Variants in DNAJC13 observed in about 807,000 individuals in gnomAD.
DNAJC13 encodes the protein DnaJ heat shock protein family (Hsp40) member C13, also known as dnaJ homolog subfamily C member 13.
In DNAJC13, 75 loss-of-function variants were observed where a neutral mutation model predicts 290.5. That is an observed-to-expected ratio of 0.26 (90% CI 0.21 to 0.31). DNAJC13 has a LOEUF of 0.31. Ranked by LOEUF, DNAJC13 falls within the 10% of genes least tolerant of loss-of-function variation. The pLI is 1.00. For missense variants in DNAJC13, 2,260 were observed against 2,674.5 expected (o/e 0.85, Z 3.42); for synonymous variants, 862 against 892.0 (o/e 0.97, Z 0.60).
rs566976602 is a variant in DNAJC13, at chr3:132,461,696, T to G, written c.1713+491T>G. Among the ~76,000 whole-genome samples the G allele has an allele frequency of 4.6e-5, 7 of 152,228 alleles. No individual in the cohort carries two copies. In the South Asian group the frequency reaches 1.5e-3, roughly 32 times the overall value. The stretch of plus-strand genomic sequence containing the variant: ...TCTTGCTTTTTTATTTTATTTTATT[T>G]TATTTATTTTTTGAGGTGAAGGTCT... On this transcript the variant is annotated intron_variant, in intron 15 of 55. Transcript: ENST00000260818.
Position 132,478,309 on chromosome 3 carries a change from TGA to T in DNAJC13, c.2709+170_2709+171del, listed in dbSNP as rs1365693406. On this transcript the variant is annotated intron_variant, in intron 24 of 55. Transcript: ENST00000260818. ...AATCTGAGTTAGATGAATAGGAAAA[TGA>T]ATAATGGGTTAGAATTTGTCCATGT... 3.3e-4 allele frequency among the ~76,000 whole-genome samples: 51 copies of T among 152,322 alleles called. 1 individual carries two copies. The South Asian group carries it at 4.1e-3, about 12-fold the overall frequency.
intron 52 of DNAJC13, 54 bp downstream of exon 52, chr3:132,525,843 CT>C: frequency 6.4e-7 from 1 of 1,556,870 alleles, no homozygotes; most frequent in Non-Finnish European, 8.7e-7. Context: ...TCTATGCTCC[CT>C]TCTTGACGGA....
chr3:132,507,120 C>A (rs917521672), intron 42 of DNAJC13, 117 bp from the exon 43 acceptor site: 1 of 639,330 alleles, frequency 1.6e-6, no homozygotes, highest in Non-Finnish European at 2.7e-6. Context: ...ACATGTATCA[C>A]ACCACATTTT....
At chr3:132,525,314 T>G (rs1936221530) in intron 51 of DNAJC13, among the ~76,000 whole-genome samples, 1 of 152,210 alleles carries the variant, frequency 6.6e-6, no homozygotes, top group Non-Finnish European at 1.5e-5. Context: ...CACTCCAGCC[T>G]GGGCAACAAG....
rs568228562 is a variant in DNAJC13, at chr3:132,442,096, T to TA, written c.69-4370dup. Among the ~76,000 whole-genome samples, 537 of 146,668 alleles carry TA rather than the reference T, an allele frequency of 3.7e-3. 5 individuals are homozygous for TA. Among genetic ancestry groups the TA allele is most frequent in the African/African-American group, 0.012 (496 of 39,802 alleles). On this transcript the variant is annotated intron_variant, in intron 2 of 55. Transcript: ENST00000260818. ...AAATCATGCTATAAAATACCATATGTAAAAAAAAATCATGCTATAAAATGC... is the reference window on the plus strand; with the variant it reads ...AAATCATGCTATAAAATACCATATGTAAAAAAAAAATCATGCTATAAAATGC...
chr3:132,461,109 C>G lies in DNAJC13; in HGVS notation c.1617C>G (p.Leu539=). The change falls in exon 15 of 56, where the codon CTC becomes CTG. Residue 539 remains leucine, a synonymous_variant. Transcript: ENST00000260818. Reference sequence around the variant, plus strand: ...TCTTGGACTTCCTTACCTTTGCCCTCTGTGCTCCATATAGTGAGACAACTG... The same window carrying G: ...TCTTGGACTTCCTTACCTTTGCCCTGTGTGCTCCATATAGTGAGACAACTG... ...SSLLDFLTFA[L]CAPYSETTEG... is the part of the protein sequence containing the mutation. The G allele has an allele frequency of 6.2e-7, 1 of 1,614,040 alleles. No homozygotes were observed. Among genetic ancestry groups the G allele is most frequent in the African/African-American group, 1.3e-5 (1 of 75,030 alleles).
intron 41 of DNAJC13, among the ~76,000 whole-genome samples, chr3:132,504,150 G>T (rs1935513057): frequency 6.6e-6 from 1 of 152,052 alleles, no homozygotes; most frequent in Non-Finnish European, 1.5e-5. Context: ...AGGATGAACT[G>T]TGACTTTTGT....
intron 2 of DNAJC13, among the ~76,000 whole-genome samples, chr3:132,436,417 A>G (rs2107651636): frequency 6.6e-6 from 1 of 152,366 alleles, no homozygotes; most frequent in Admixed American, 6.5e-5. Flanking sequence ...AATCTGTTGT[A>G]TGGATATACT....
chr3:132,516,987 G>T (rs1055592774), intron 48 of DNAJC13, among the ~76,000 whole-genome samples, 171 bp downstream of exon 48: 1 of 152,216 alleles, frequency 6.6e-6, no homozygotes, highest in African/African-American at 2.4e-5. Flanking sequence ...TACTGTTTGA[G>T]AAAACTAGAG....
Position 132,417,686 on chromosome 3 carries a change from C to T in DNAJC13, c.-88C>T. 1 of 152,488 alleles carries T rather than the reference C, an allele frequency of 6.6e-6. No individual in the cohort carries two copies. The highest frequency in any genetic ancestry group is 1.5e-5 in the Non-Finnish European group (1 of 68,122). 9.4% of individuals were successfully genotyped at this position (152,488 alleles called of 1,614,324 possible). ...TGGTGAGGGTGAGGAGGCCGGAGGG[C>T]GCCTCATCCCACTCTGGAAGCTGAG... On this transcript the variant is annotated 5_prime_UTR_variant, in exon 1 of 56. Coordinates refer to ENST00000260818, the MANE Select transcript of DNAJC13 (RefSeq NM_015268.4).
At position 132,480,451 on chromosome 3, in the gene DNAJC13, G is replaced by A. The variant is rs202174230; in HGVS notation, c.2855G>A (p.Arg952Gln). 1.3e-4 allele frequency: 211 copies of A among 1,612,402 alleles called. No individual in the cohort carries two copies. Among genetic ancestry groups the A allele is most frequent in the Non-Finnish European group, 8.1e-5 (96 of 1,178,810 alleles). ...LLTLAHLHVS[R>Q]ATVPLQSNVI... Reference sequence around the variant, plus strand: ...ACCCTTGCACATCTCCATGTAAGCCGAGCTACAGTACCACTGCAAGTACGT... The same window carrying A: ...ACCCTTGCACATCTCCATGTAAGCCAAGCTACAGTACCACTGCAAGTACGT... The change falls in exon 26 of 56, where the codon CGA becomes CAA. Residue 952 changes from arginine to glutamine, a missense_variant. By Grantham distance (43) the Arg-to-Gln change is conservative. This residue lies in a region of DNAJC13 where 1,494 missense variants were observed against 1,693.7 expected (regional missense o/e 0.88). Transcript: ENST00000260818.
intron 20 of DNAJC13, among the ~76,000 whole-genome samples, chr3:132,468,706 A>G (rs1934084580): frequency 6.6e-6 from 1 of 152,190 alleles, no homozygotes; most frequent in African/African-American, 2.4e-5. Flanking sequence ...AAGCAAAATA[A>G]TAGTAAAGGC....
chr3:132,421,732 G>A (rs1234394729), intron 1 of DNAJC13, among the ~76,000 whole-genome samples: 2 of 151,798 alleles, frequency 1.3e-5, no homozygotes, highest in Non-Finnish European at 2.9e-5. Flanking sequence ...GAGCCACCAT[G>A]CCTGGCCCAT....
intron 54 of DNAJC13, 54 bp from the exon 55 acceptor site, chr3:132,530,944 T>C (rs1576525764): frequency 2.6e-6 from 4 of 1,519,618 alleles, no homozygotes; most frequent in Non-Finnish European, 3.6e-6. Context: ...TCTTTTTGTC[T>C]TCCAACATCC....
intron 20 of DNAJC13, among the ~76,000 whole-genome samples, chr3:132,470,862 C>G (rs1934205555): frequency 7.3e-6 from 1 of 136,846 alleles, no homozygotes; most frequent in Non-Finnish European, 1.6e-5. Flanking sequence ...CACCTCCCTC[C>G]CGGACAGGGC....
In DNAJC13 at chr3:132,456,586, C is replaced by A; in HGVS notation, c.1179+6C>A. On this transcript the variant is annotated splice_donor_region_variant and intron_variant, in intron 11 of 55. Transcript: ENST00000260818. ...TACATGCAGTAACACAAGATGTAAG[C>A]TAAGTTTTATCATAATTGTTCATTG... is the stretch of plus-strand genomic sequence containing the variant. 1 of 1,613,592 alleles carries A rather than the reference C, an allele frequency of 6.2e-7. No individual in the cohort carries two copies.
intron 27 of DNAJC13, among the ~76,000 whole-genome samples, chr3:132,482,723 G>A (rs1381532529): frequency 6.6e-6 from 1 of 151,930 alleles, no homozygotes; most frequent in Non-Finnish European, 1.5e-5. Context: ...GCTAAGCATG[G>A]TGGTGCATGC....
intron 1 of DNAJC13, among the ~76,000 whole-genome samples, chr3:132,433,315 T>C (rs1455018507): frequency 6.6e-6 from 1 of 152,216 alleles, no homozygotes; most frequent in Non-Finnish European, 1.5e-5. Context: ...CAGTGTAGCC[T>C]CATACTCCTG....
intron 36 of DNAJC13, 74 bp downstream of exon 36, chr3:132,496,737 C>T: frequency 8.3e-7 from 1 of 1,198,242 alleles, no homozygotes; most frequent in Non-Finnish European, 1.1e-6. Flanking sequence ...ACCATATTAC[C>T]TGTTTCTACA....
Sources: gnomAD v4.1 joint callset for allele counts (sites outside exome capture counted in the v4.1 genomes callset) on GRCh38, gnomAD v4.1.1 for gene constraint, gnomAD v4.1.1 regional missense constraint, MANE v1.5 for transcripts, NCBI Gene and HGNC (gene_info 2026-07-23, HGNC 2026-07-21) for gene names.